TENM4: variants seen among roughly 807,000 people sequenced by gnomAD.
TENM4 encodes the protein teneurin transmembrane protein 4, also known as teneurin-4.
TENM4 carries 82 observed loss-of-function variants against 243.3 expected under a neutral mutation model. The observed-to-expected ratio is 0.34, with a 90% CI of 0.28 to 0.40. The LOEUF (loss-of-function observed/expected upper bound fraction) is 0.40, where lower values mean the gene tolerates loss of function less well. Ranked by LOEUF, TENM4 falls within the 10% of genes least tolerant of loss-of-function variation. The pLI is 1.00. For synonymous variants in TENM4, 1,412 were observed against 1,456.3 expected (o/e 0.97, Z 0.69); for missense variants, 3,138 against 3,673.3 (o/e 0.85, Z 3.77).
chr11:78,740,750 G>A (rs1400657236), intron 19 of TENM4, among the ~76,000 whole-genome samples: 1 of 152,196 alleles, frequency 6.6e-6, no homozygotes, highest in Non-Finnish European at 1.5e-5. Context: ...AACCAGTCCT[G>A]GGGGGATGGC....
intron 18 of TENM4, among the ~76,000 whole-genome samples, chr11:78,770,144 C>T (rs1308563553): frequency 6.6e-6 from 1 of 152,150 alleles, no homozygotes; most frequent in Non-Finnish European, 1.5e-5. Flanking sequence ...TTTTATTCTC[C>T]TAATAACCAC....
chr11:79,360,669 T>A (rs1857573830), intron 1 of TENM4, among the ~76,000 whole-genome samples: 1 of 152,222 alleles, frequency 6.6e-6, no homozygotes, highest in Non-Finnish European at 1.5e-5. Flanking sequence ...TAATAGACTG[T>A]CAGATTTTTA....
At chr11:79,348,074 C>T (rs1444130320) in intron 1 of TENM4, among the ~76,000 whole-genome samples, 2 of 152,170 alleles carry the variant, frequency 1.3e-5, no homozygotes, top group Non-Finnish European at 2.9e-5. Context: ...CCACCGCGCC[C>T]GGCCCCTCTC....
Position 78,805,399 on chromosome 11 carries a change from G to T in TENM4, c.2072C>A (p.Thr691Asn), listed in dbSNP as rs367826626. The T allele has an allele frequency of 1.2e-5, 20 of 1,604,538 alleles. No homozygotes were observed. In the African/African-American group the frequency reaches 2.4e-4, roughly 20 times the overall value. The change falls in exon 15 of 34, where the codon ACC (threonine) becomes AAC (asparagine). Residue 691 changes from threonine (T) to asparagine (N), a missense_variant. Physicochemically the swap from Thr to Asn is moderately conservative, Grantham distance 65. This residue lies in a region of TENM4 where 2,467 missense variants were observed against 3,059.1 expected (regional missense o/e 0.81). Transcript: ENST00000278550. ...CTGGTCTAAGCATGTGGCCCTGGGG[G>T]TCTCGCAGTTGGTGCCTCCCCATCC... ...SVGWGGTNCETPRATCLDQCS... is the reference protein window; with the variant it reads ...SVGWGGTNCENPRATCLDQCS...
chr11:79,425,971 A>G (rs1447730942), intron 1 of TENM4, among the ~76,000 whole-genome samples: 1 of 152,222 alleles, frequency 6.6e-6, no homozygotes, highest in South Asian at 2.1e-4. Flanking sequence ...CCTGTGCACA[A>G]ACATGTGCCA....
intron 3 of TENM4, among the ~76,000 whole-genome samples, chr11:79,162,824 C>G (rs1354003351): frequency 6.6e-6 from 1 of 152,186 alleles, no homozygotes; most frequent in East Asian, 1.9e-4. Context: ...TGGGAACTCC[C>G]TGGGCCAGCT....
chr11:79,129,126 G>T (rs1861943285), intron 4 of TENM4, among the ~76,000 whole-genome samples: 1 of 152,172 alleles, frequency 6.6e-6, no homozygotes, highest in African/African-American at 2.4e-5. Flanking sequence ...TTCTGTTTGT[G>T]GGAGAAGTTT....
intron 2 of TENM4, among the ~76,000 whole-genome samples, chr11:79,247,778 A>C (rs1455492858): frequency 6.6e-6 from 1 of 152,238 alleles, no homozygotes; most frequent in Non-Finnish European, 1.5e-5. Flanking sequence ...TACCTTCTGC[A>C]GTAAGGTTTT....
At chr11:79,012,215 G>A (rs920149465) in intron 6 of TENM4, among the ~76,000 whole-genome samples, 10 of 152,186 alleles carry the variant, frequency 6.6e-5, no homozygotes, top group African/African-American at 2.4e-4. Flanking sequence ...CACCATGAGA[G>A]TGGCCTCTAT....
At chr11:79,019,997 C>T (rs533964261) in intron 6 of TENM4, among the ~76,000 whole-genome samples, 1 of 152,184 alleles carries the variant, frequency 6.6e-6, no homozygotes, top group African/African-American at 2.4e-5. Context: ...ATCCCACCAC[C>T]CTGCCAGCCT....
intron 6 of TENM4, among the ~76,000 whole-genome samples, chr11:78,943,031 TGCG>T (rs1856936075): frequency 1.3e-5 from 2 of 152,146 alleles, no homozygotes; most frequent in African/African-American, 2.4e-5. Context: ...TGCATGGTCC[TGCG>T]AGGGTCTTTA....
intron 32 of TENM4, among the ~76,000 whole-genome samples, chr11:78,662,240 G>A (rs1423166957): frequency 6.7e-6 from 1 of 149,970 alleles, no homozygotes; most frequent in Non-Finnish European, 1.5e-5. Flanking sequence ...CACCGAGGCT[G>A]GAGTGCAGTG....
intron 6 of TENM4, among the ~76,000 whole-genome samples, chr11:78,910,404 C>G (rs1856159622): frequency 6.6e-6 from 1 of 152,078 alleles, no homozygotes; most frequent in Non-Finnish European, 1.5e-5. Flanking sequence ...CTACCACTGA[C>G]ATGGGATGGT....
chr11:79,252,458 C>T (rs755444449), intron 2 of TENM4, among the ~76,000 whole-genome samples: 3 of 152,110 alleles, frequency 2.0e-5, no homozygotes, highest in East Asian at 1.9e-4. Flanking sequence ...AGGCTGGCCT[C>T]GAACTCCTGA....
chr11:79,308,150 A>C (rs552524185), intron 1 of TENM4, among the ~76,000 whole-genome samples: 1 of 152,362 alleles, frequency 6.6e-6, no homozygotes, highest in Non-Finnish European at 1.5e-5. Context: ...ATCCTCAAGG[A>C]GTCTGGAGTC....
At chr11:79,031,364 C>T (rs919983334) in intron 6 of TENM4, among the ~76,000 whole-genome samples, 2 of 152,152 alleles carry the variant, frequency 1.3e-5, no homozygotes, top group Non-Finnish European at 2.9e-5. Context: ...TAGGCAACAG[C>T]TGCACCCAAC....
intron 6 of TENM4, among the ~76,000 whole-genome samples, chr11:79,008,803 A>T (rs562809255): frequency 6.6e-6 from 1 of 152,300 alleles, no homozygotes; most frequent in South Asian, 2.1e-4. Context: ...CAAGGGATGG[A>T]CATATTTTAA....
chr11:79,012,942 C>A (rs1208370984), intron 6 of TENM4, among the ~76,000 whole-genome samples: 3 of 152,152 alleles, frequency 2.0e-5, no homozygotes, highest in Admixed American at 2.0e-4. Flanking sequence ...CACTGAGGCT[C>A]CAGGGGATGG....
chr11:79,424,934 A>G lies in TENM4; in HGVS notation c.-321+15575T>C, dbSNP rs1247334892. On this transcript the variant is annotated intron_variant, in intron 1 of 33. Coordinates refer to ENST00000278550, the MANE Select transcript of TENM4 (RefSeq NM_001098816.3). ...GGGAGACAGAATGAGACTCCATTTC[A>G]CACACACAAAAAAAAGTCAGGGGTG... Among the ~76,000 whole-genome samples, 9 of 152,270 alleles carry G rather than the reference A, an allele frequency of 5.9e-5. No individual in the cohort carries two copies. The South Asian group carries it at 1.5e-3, about 25-fold the overall frequency.
Sources: gnomAD v4.1 joint callset for allele counts (sites outside exome capture counted in the v4.1 genomes callset) on GRCh38, gnomAD v4.1.1 for gene constraint, gnomAD v4.1.1 regional missense constraint, MANE v1.5 for transcripts, NCBI Gene and HGNC (gene_info 2026-07-23, HGNC 2026-07-21) for gene names.